LHFPL3: variants seen among roughly 807,000 people sequenced by gnomAD.
LHFPL3 encodes LHFPL tetraspan subfamily member 3.
LHFPL3 carries 5 observed loss-of-function variants against 19.3 expected under a neutral mutation model. That is an observed-to-expected ratio of 0.26 (90% CI 0.14 to 0.54). The LOEUF is 0.54. Ranked by LOEUF, LHFPL3 falls within the 20% of genes least tolerant of loss-of-function variation. LHFPL3 has a pLI of 0.94. For missense variants in LHFPL3, 249 were observed against 307.4 expected (o/e 0.81, Z 1.42); for synonymous variants, 133 against 126.2 (o/e 1.05, Z -0.36).
intron 1 of LHFPL3, among the ~76,000 whole-genome samples, chr7:104,400,486 C>T (rs563956538): frequency 6.6e-6 from 1 of 152,204 alleles, no homozygotes; most frequent in African/African-American, 2.4e-5. Context: ...TTCTGTTCTT[C>T]TAAAAATTAA....
At chr7:104,599,699 T>A (rs769830047) in intron 1 of LHFPL3, among the ~76,000 whole-genome samples, 6 of 152,146 alleles carry the variant, frequency 3.9e-5, no homozygotes, top group Non-Finnish European at 8.8e-5. Flanking sequence ...GTGATACAGA[T>A]ATATGCCAGG....
At chr7:104,434,664 G>A (rs556348608) in intron 1 of LHFPL3, among the ~76,000 whole-genome samples, 10 of 152,304 alleles carry the variant, frequency 6.6e-5, no homozygotes, top group East Asian at 5.8e-4. Context: ...TGTAATGTAA[G>A]CTTCTGAGGA....
chr7:104,635,307 A>C (rs1289308505), intron 1 of LHFPL3, among the ~76,000 whole-genome samples: 1 of 152,208 alleles, frequency 6.6e-6, no homozygotes, highest in East Asian at 1.9e-4. Flanking sequence ...ACTGGATGAC[A>C]TTAATTTCCA....
Position 104,328,806 on chromosome 7 carries a change from C to G in LHFPL3, c.27C>G (p.Ala9=). The change falls in exon 1 of 3, where the codon GCC becomes GCG. Residue 9 remains alanine, a synonymous_variant. Coordinates refer to ENST00000424859, the MANE Select transcript of LHFPL3 (RefSeq NM_199000.3). This position sits in a 1 kb window ranked among gnomAD's most constrained non-coding sequence, Gnocchi z 4.6. MPGAAAAA[A]AAAAAMLPAQ... is the part of the protein sequence containing the mutation. The stretch of plus-strand genomic sequence containing the variant: ...TGCCCGGAGCCGCCGCCGCTGCCGC[C>G]GCCGCCGCCGCCGCGATGCTCCCGG... 6.2e-7 allele frequency: 1 copy of G among 1,604,234 alleles called. No homozygotes were observed.
chr7:104,468,647 C>T (rs186356529), intron 1 of LHFPL3, among the ~76,000 whole-genome samples: 33 of 142,806 alleles, frequency 2.3e-4, no homozygotes, highest in Admixed American at 1.2e-3. Context: ...GTAGAAAGGT[C>T]TTGTATAAAC....
At chr7:104,509,555 A>T (rs1487020766) in intron 1 of LHFPL3, among the ~76,000 whole-genome samples, 1 of 152,082 alleles carries the variant, frequency 6.6e-6, no homozygotes, top group East Asian at 1.9e-4. Flanking sequence ...TAAAAAAAAA[A>T]TCAGCAAAAA....
intron 1 of LHFPL3, among the ~76,000 whole-genome samples, chr7:104,614,672 CTTCCTTCCTTCTTTCTTTCTTTCT>C (rs1791288370): frequency 2.3e-5 from 2 of 88,142 alleles, no homozygotes; most frequent in Admixed American, 1.4e-4. Flanking sequence ...TCCTTCCTTC[CTTCCTTCCTTCTTTCTTTCTTTCT>C]TTCTTTCTTT....
At chr7:104,703,642 A>G (rs991452903) in intron 1 of LHFPL3, among the ~76,000 whole-genome samples, 1 of 152,164 alleles carries the variant, frequency 6.6e-6, no homozygotes, top group African/African-American at 2.4e-5. Flanking sequence ...ATTCTCACCA[A>G]TGTATAAGTT....
At chr7:104,667,914 C>T in intron 1 of LHFPL3, 1 of 1,612,962 alleles carries the variant, frequency 6.2e-7, no homozygotes, top group Admixed American at 1.7e-5. Flanking sequence ...TACAACTTGG[C>T]ACAGTAACGA....
At chr7:104,545,009 G>T (rs535864379) in intron 1 of LHFPL3, among the ~76,000 whole-genome samples, 1 of 152,274 alleles carries the variant, frequency 6.6e-6, no homozygotes, top group East Asian at 1.9e-4. Context: ...GCCAAAATGG[G>T]TACTTGCACA....
chr7:104,689,393 A>G (rs1251918016), intron 1 of LHFPL3, among the ~76,000 whole-genome samples: 3 of 152,146 alleles, frequency 2.0e-5, no homozygotes, highest in Non-Finnish European at 4.4e-5. Context: ...TGAAATTGAT[A>G]GGAAGCCTAC....
intron 2 of LHFPL3, among the ~76,000 whole-genome samples, chr7:104,900,610 G>C (rs934926462): frequency 6.6e-6 from 1 of 152,210 alleles, no homozygotes; most frequent in African/African-American, 2.4e-5. Context: ...TCTCCTGACT[G>C]TGGGGGCTCC....
intron 1 of LHFPL3, among the ~76,000 whole-genome samples, chr7:104,460,340 A>G (rs1432216626): frequency 6.6e-6 from 1 of 152,190 alleles, no homozygotes; most frequent in East Asian, 1.9e-4. Context: ...TGGTAGAATG[A>G]TTTATATTCC....
intron 1 of LHFPL3, among the ~76,000 whole-genome samples, chr7:104,492,180 T>C (rs998366204): frequency 1.3e-5 from 2 of 152,252 alleles, no homozygotes; most frequent in Non-Finnish European, 2.9e-5. Context: ...GTAACAATGC[T>C]ATTATGAATT....
At chr7:104,763,040 C>G (rs541764422) in intron 2 of LHFPL3, among the ~76,000 whole-genome samples, 23 of 152,330 alleles carry the variant, frequency 1.5e-4, no homozygotes, top group African/African-American at 5.5e-4. Flanking sequence ...AGAGTAATGA[C>G]TTGTTGTTTA....
intron 1 of LHFPL3, among the ~76,000 whole-genome samples, chr7:104,576,195 A>G (rs1367984379): frequency 6.6e-6 from 1 of 152,186 alleles, no homozygotes; most frequent in East Asian, 1.9e-4. Context: ...AGTTTAAAAG[A>G]TCTATGGACT....
chr7:104,834,373 T>C (rs1791050832), intron 2 of LHFPL3, among the ~76,000 whole-genome samples: 1 of 151,942 alleles, frequency 6.6e-6, no homozygotes, highest in South Asian at 2.1e-4. Flanking sequence ...AAGAGGACTT[T>C]CTTGGCTTTC....
At chr7:104,894,855 G>A (rs1366327524) in intron 2 of LHFPL3, 1 of 152,106 alleles carries the variant, frequency 6.6e-6, no homozygotes, top group Non-Finnish European at 1.5e-5. Context: ...AAAATGACTT[G>A]GCCACATCTA....
chr7:104,511,944 CTTTT>C (rs58712044), intron 1 of LHFPL3, among the ~76,000 whole-genome samples: 3 of 111,980 alleles, frequency 2.7e-5, no homozygotes, highest in Non-Finnish European at 3.5e-5. Flanking sequence ...CTTTCCTTTT[CTTTT>C]TTTTTTTTTT....
Sources: allele counts gnomAD v4.1 joint callset (sites outside exome capture counted in the v4.1 genomes callset), GRCh38; gene constraint gnomAD v4.1.1; non-coding constraint Gnocchi (gnomAD v3.1); transcripts MANE v1.5; gene names NCBI Gene and HGNC (gene_info 2026-07-23, HGNC 2026-07-21).